Variants in PRIM2 observed in about 807,000 individuals in gnomAD.
PRIM2 encodes the protein DNA primase large subunit.
PRIM2 carries 39 observed loss-of-function variants against 67.3 expected under a neutral mutation model. That is an observed-to-expected ratio of 0.58 (90% CI 0.45 to 0.76). PRIM2 has a LOEUF of 0.76. Among genes scored for constraint, PRIM2 ranks in the 30% least tolerant of loss-of-function variants. The pLI is 0.00. For missense variants in PRIM2, 398 were observed against 598.7 expected, an observed-to-expected ratio of 0.66 and a Z score of 3.50; for synonymous variants, 143 against 198.7, an observed-to-expected ratio of 0.72 and a Z score of 2.36.
chr6:57,311,110 GAT>G (rs1767374351), upstream of PRIM2, among the ~76,000 whole-genome samples: 1 of 145,476 alleles, frequency 6.9e-6, no homozygotes, highest in African/African-American at 2.6e-5. Context: ...GCCGGGCAGA[GAT>G]GCCCCTCACC....
chr6:57,250,209 C>G, the PRIM2 span, among the ~76,000 whole-genome samples: 2 of 152,176 alleles, frequency 1.3e-5, no homozygotes, highest in Non-Finnish European at 2.9e-5. Context: ...ATTGCTATTT[C>G]TTCAATATGT....
At chr6:57,370,177 A>G (rs1769496362) in intron 5 of PRIM2, among the ~76,000 whole-genome samples, 1 of 152,132 alleles carries the variant, frequency 6.6e-6, no homozygotes, top group Admixed American at 6.5e-5. Context: ...TTTTACTTGT[A>G]TTCTTTGTTA....
the PRIM2 span, among the ~76,000 whole-genome samples, chr6:57,266,535 A>G: frequency 9.2e-5 from 14 of 152,344 alleles, no homozygotes; most frequent in African/African-American, 3.4e-4. Context: ...GTTCAAGGTT[A>G]GTTAAACATA....
intron 5 of PRIM2, among the ~76,000 whole-genome samples, chr6:57,354,642 C>A (rs1581821168): frequency 6.6e-6 from 1 of 152,262 alleles, no homozygotes; most frequent in South Asian, 2.1e-4. Context: ...TCTAAATGGA[C>A]CTTTCAAAGA....
the PRIM2 span, among the ~76,000 whole-genome samples, chr6:57,277,422 C>T: frequency 2.2e-4 from 34 of 152,236 alleles, no homozygotes; most frequent in Non-Finnish European, 4.1e-4. Flanking sequence ...ATATATTGAA[C>T]ACTTCATATA....
chr6:57,624,011 A>G (rs1776902497), intron 12 of PRIM2, among the ~76,000 whole-genome samples: 1 of 152,234 alleles, frequency 6.6e-6, no homozygotes, highest in Non-Finnish European at 1.5e-5. Flanking sequence ...TAATAAGTAT[A>G]ATCTTCTAAA....
the PRIM2 span, among the ~76,000 whole-genome samples, chr6:57,264,305 C>G: frequency 3.3e-5 from 5 of 152,246 alleles, no homozygotes; most frequent in Middle Eastern, 3.4e-3. Flanking sequence ...TATAATGACA[C>G]CAAGCCATGA....
the PRIM2 span, among the ~76,000 whole-genome samples, chr6:57,279,424 C>A: frequency 1.3e-5 from 2 of 152,098 alleles, no homozygotes; most frequent in Non-Finnish European, 2.9e-5. Flanking sequence ...AAGCTTCTGT[C>A]AGCTTTTTTC....
At chr6:57,390,860 T>A (rs1007193718) in intron 7 of PRIM2, among the ~76,000 whole-genome samples, 2 of 152,196 alleles carry the variant, frequency 1.3e-5, no homozygotes, top group African/African-American at 2.4e-5. Flanking sequence ...TGTACATATG[T>A]CTTGATGGTA....
At chr6:57,397,896 A>AT (rs35064816) in intron 7 of PRIM2, among the ~76,000 whole-genome samples, 56,102 of 118,696 alleles carry the variant, frequency 0.47, 14,446 homozygotes, top group South Asian at 0.61. Context: ...GATCTTTCTA[A>AT]TTTTTTTTTT....
intron 5 of PRIM2, 95 bp downstream of exon 5, chr6:57,326,140 T>C: frequency 7.2e-7 from 1 of 1,383,696 alleles, no homozygotes; most frequent in East Asian, 2.4e-5. Context: ...GTGTTCTCTT[T>C]ACATTCTCCA....
chr6:57,479,170 C>T (rs1773552468), intron 7 of PRIM2, among the ~76,000 whole-genome samples: 1 of 152,170 alleles, frequency 6.6e-6, no homozygotes, highest in Non-Finnish European at 1.5e-5. Flanking sequence ...GGATTTATTA[C>T]AGTCATTCCG....
At chr6:57,481,323 GA>G in intron 7 of PRIM2, among the ~76,000 whole-genome samples, 1 of 152,124 alleles carries the variant, frequency 6.6e-6, no homozygotes, top group East Asian at 1.9e-4. Context: ...TGTCACTCCA[GA>G]AATGTTATGT....
intron 5 of PRIM2, among the ~76,000 whole-genome samples, chr6:57,350,525 CAG>C (rs1042597639): frequency 6.6e-6 from 1 of 152,132 alleles, no homozygotes; most frequent in Non-Finnish European, 1.5e-5. Context: ...AAATAAACCT[CAG>C]GGGAGGCGTA....
intron 7 of PRIM2, among the ~76,000 whole-genome samples, chr6:57,499,693 T>C (rs1774090062): frequency 6.6e-6 from 1 of 152,236 alleles, no homozygotes; most frequent in Non-Finnish European, 1.5e-5. Flanking sequence ...TAAATTTGTA[T>C]GTTTTACTCT....
intron 7 of PRIM2, among the ~76,000 whole-genome samples, chr6:57,435,797 T>C (rs1213603976): frequency 1.3e-5 from 2 of 152,200 alleles, no homozygotes; most frequent in African/African-American, 4.8e-5. Flanking sequence ...TAAGTACTGA[T>C]AGTACGGGAA....
intron 7 of PRIM2, among the ~76,000 whole-genome samples, chr6:57,428,545 T>C (rs1355935104): frequency 3.3e-5 from 5 of 152,292 alleles, no homozygotes; most frequent in African/African-American, 1.2e-4. Flanking sequence ...TCTCAAACCA[T>C]TGACAGCATG....
At position 57,437,941 on chromosome 6, in the gene PRIM2, G is replaced by A. The variant is rs548031857; in HGVS notation, c.693+55773G>A. Among the ~76,000 whole-genome samples the A allele has an allele frequency of 1.3e-3, 191 of 152,194 alleles. 5 individuals carry two copies. In the East Asian group the frequency reaches 0.016, roughly 13 times the overall value. ...CCAAATGCTGGAATTACAGGCATGAGCCACCCTGCCTGGACAGGAAAGATT... is the reference window on the plus strand; with the variant it reads ...CCAAATGCTGGAATTACAGGCATGAACCACCCTGCCTGGACAGGAAAGATT... On this transcript the variant is annotated intron_variant, in intron 7 of 13. Coordinates refer to ENST00000615550, the MANE Select transcript of PRIM2 (RefSeq NM_000947.5).
chr6:57,352,475 G>A (rs1187187611), intron 5 of PRIM2, among the ~76,000 whole-genome samples: 2 of 152,046 alleles, frequency 1.3e-5, no homozygotes, highest in South Asian at 2.1e-4. Context: ...TCCTGAGCTC[G>A]TGATCCATCT....
Sources: gnomAD v4.1 joint callset for allele counts (sites outside exome capture counted in the v4.1 genomes callset) on GRCh38, gnomAD v4.1.1 for gene constraint, MANE v1.5 for transcripts, NCBI Gene and HGNC (gene_info 2026-07-23, HGNC 2026-07-21) for gene names.